The following RFX4 variants were observed in gnomAD, a reference collection of about 807,000 sequenced individuals.
RFX4 encodes the protein transcription factor RFX4.
Under a neutral mutation model 95.0 loss-of-function variants are expected in RFX4, and 10 were observed. The ratio of observed to expected loss-of-function variants is 0.11; its 90% CI spans 0.06 to 0.18. The LOEUF (loss-of-function observed/expected upper bound fraction) is 0.18, where lower values mean the gene tolerates loss of function less well. Ranked by LOEUF, RFX4 falls within the 10% of genes least tolerant of loss-of-function variation. RFX4 has a pLI of 1.00. For synonymous variants in RFX4, 321 were observed against 340.7 expected (o/e 0.94, Z 0.64); for missense variants, 640 against 922.0 (o/e 0.69, Z 3.96).
At chr12:106,663,826 A>C (rs1167105132) in intron 4 of RFX4, among the ~76,000 whole-genome samples, 1 of 150,182 alleles carries the variant, frequency 6.7e-6, no homozygotes, top group East Asian at 2.0e-4. Flanking sequence ...TGTTGATATG[A>C]TCATATAATT....
intron 13 of RFX4, 44 bp from the exon 14 acceptor site, chr12:106,732,086 G>A (rs778477732): frequency 3.7e-6 from 6 of 1,604,416 alleles, no homozygotes; most frequent in Non-Finnish European, 5.1e-6. Context: ...GGGCATACAC[G>A]AGACAGCACG....
At chr12:106,688,995 T>C (rs916460711) in intron 6 of RFX4, among the ~76,000 whole-genome samples, 2 of 152,118 alleles carry the variant, frequency 1.3e-5, no homozygotes, top group African/African-American at 4.8e-5. Flanking sequence ...TTTGTTTTCC[T>C]AGAGCTCACA....
At chr12:106,617,301 T>C (rs1052019086) in intron 2 of RFX4, among the ~76,000 whole-genome samples, 3 of 152,218 alleles carry the variant, frequency 2.0e-5, no homozygotes, top group African/African-American at 7.2e-5. Flanking sequence ...TTTAATTTGC[T>C]GTCTTTTTCT....
At chr12:106,715,329 G>C in intron 10 of RFX4, 71 bp from the exon 11 acceptor site, 1 of 1,534,012 alleles carries the variant, frequency 6.5e-7, no homozygotes, top group Non-Finnish European at 8.8e-7. Flanking sequence ...CATTAACAAG[G>C]CATAAAAGGA....
Position 106,682,010 on chromosome 12 carries a change from T to C in RFX4, c.333T>C (p.Phe111=). 2 of 1,614,180 alleles carry C rather than the reference T, an allele frequency of 1.2e-6. No homozygotes were observed. Among genetic ancestry groups the C allele is most frequent in the Non-Finnish European group, 1.7e-6 (2 of 1,180,030 alleles). The change falls in exon 5 of 18, where the codon TTT becomes TTC. Residue 111 remains phenylalanine, a synonymous_variant. Coordinates refer to ENST00000392842, the MANE Select transcript of RFX4 (RefSeq NM_213594.3). ...ACTTACAGATCATAAGGCAGCAGTT[T>C]CCTCAGTTAACCACCAGAAGACTCG... ...ASFGKIIRQQ[F]PQLTTRRLGT...
intron 1 of RFX4, among the ~76,000 whole-genome samples, chr12:106,594,936 G>A (rs2039597464): frequency 6.6e-6 from 1 of 152,190 alleles, no homozygotes; most frequent in African/African-American, 2.4e-5. Flanking sequence ...AGGCAAGGAA[G>A]AGACCCCATC....
intron 4 of RFX4, among the ~76,000 whole-genome samples, chr12:106,656,580 C>T (rs1284646939): frequency 6.6e-6 from 1 of 152,144 alleles, no homozygotes; most frequent in Non-Finnish European, 1.5e-5. Context: ...GCTCTTCATC[C>T]TCTTCACCAC....
intron 7 of RFX4, among the ~76,000 whole-genome samples, chr12:106,691,078 C>T (rs1385368003): frequency 6.6e-6 from 1 of 152,220 alleles, no homozygotes; most frequent in Non-Finnish European, 1.5e-5. Flanking sequence ...GGTCCAGAAA[C>T]ATTGAGGGGC....
At chr12:106,596,175 T>C in intron 1 of RFX4, among the ~76,000 whole-genome samples, 1 of 152,160 alleles carries the variant, frequency 6.6e-6, no homozygotes, top group East Asian at 1.9e-4. Context: ...CCAGGTGTTG[T>C]GGGAGGCACC....
chr12:106,761,511 TTAA>T lies in RFX4; in HGVS notation c.*55_*57del, dbSNP rs943499335. 7.6e-5 allele frequency: 96 copies of T among 1,269,742 alleles called. No individual in the cohort carries two copies. The highest frequency in any genetic ancestry group is 1.5e-4 in the East Asian group (5 of 32,840). 78.7% of individuals were successfully genotyped at this position (1,269,742 alleles called of 1,614,324 possible). A position where few individuals can be genotyped will look rare whatever the true frequency, so the allele number is the denominator to read the frequency against. Reference sequence around the variant, plus strand: ...CCATATTTAATATTAATAATAATAATTAATAATAATAATAAACCCAACACCCAT... The same window carrying T: ...CCATATTTAATATTAATAATAATAATTAATAATAATAAACCCAACACCCAT... On this transcript the variant is annotated 3_prime_UTR_variant, in exon 18 of 18. Transcript: ENST00000392842.
intron 2 of RFX4, among the ~76,000 whole-genome samples, chr12:106,618,658 G>A (rs753293731): frequency 1.3e-5 from 2 of 151,516 alleles, no homozygotes; most frequent in Non-Finnish European, 2.9e-5. Flanking sequence ...ATTTAGTTTA[G>A]TAAAGTTTTT....
chr12:106,719,919 C>T lies in RFX4; in HGVS notation c.1139-41C>T, dbSNP rs780275411. 4.1e-6 allele frequency: 6 copies of T among 1,475,214 alleles called. No homozygotes were observed. The South Asian group carries it at 6.8e-5, about 17-fold the overall frequency. The allele number at this position is 1,475,214 out of a possible 1,614,324, so 91.4% of individuals were successfully genotyped here. A position where few individuals can be genotyped will look rare whatever the true frequency, so the allele number is the denominator to read the frequency against. ...TTTAAGACGTAGCTCTTGTTAAATA[C>T]AACTGCAGTGATGCGTGTGGGGTTC... On this transcript the variant is annotated intron_variant, in intron 11 of 17. Coordinates refer to ENST00000392842, the MANE Select transcript of RFX4 (RefSeq NM_213594.3).
chr12:106,746,605 C>T (rs1482468685), intron 15 of RFX4, among the ~76,000 whole-genome samples: 2 of 152,006 alleles, frequency 1.3e-5, no homozygotes, highest in Non-Finnish European at 2.9e-5. Flanking sequence ...ATCCCCCAGT[C>T]TTTAGCACTT....
At chr12:106,630,800 TAG>T in intron 2 of RFX4, among the ~76,000 whole-genome samples, 1 of 152,240 alleles carries the variant, frequency 6.6e-6, no homozygotes, top group Non-Finnish European at 1.5e-5. Flanking sequence ...TATTCTGGAA[TAG>T]ATTCCCAAAT....
intron 4 of RFX4, among the ~76,000 whole-genome samples, chr12:106,662,956 T>C (rs2041104446): frequency 6.6e-6 from 1 of 152,166 alleles, no homozygotes; most frequent in Non-Finnish European, 1.5e-5. Flanking sequence ...CTGTCTTGAT[T>C]ACAGTAGCTT....
At chr12:106,738,960 CT>C (rs1253489244) in intron 15 of RFX4, among the ~76,000 whole-genome samples, 3 of 152,008 alleles carry the variant, frequency 2.0e-5, no homozygotes, top group Admixed American at 2.0e-4. Flanking sequence ...TGCCATGTTT[CT>C]TTTTTTAAAA....
rs1169927530 is a variant in RFX4 at position 106,627,804 on chromosome 12, T to C, written c.131-11528T>C. Among the ~76,000 whole-genome samples the C allele has an allele frequency of 5.3e-5, 8 of 152,188 alleles. No individual in the cohort carries two copies. The East Asian group carries it at 1.5e-3, about 29-fold the overall frequency. ...GAAGACTATGGTGAGATGGAATGTC[T>C]CCAGGAGAAGAAGGAAGTTCAGGGT... On this transcript the variant is annotated intron_variant, in intron 2 of 17. Transcript: ENST00000392842.
chr12:106,676,753 TGAG>T (rs996528116), intron 4 of RFX4, among the ~76,000 whole-genome samples: 5 of 152,084 alleles, frequency 3.3e-5, no homozygotes, highest in Admixed American at 1.3e-4. Context: ...AGGGTCAATG[TGAG>T]GAGAATAGAA....
intron 2 of RFX4, among the ~76,000 whole-genome samples, chr12:106,611,274 T>G (rs1246881144): frequency 6.6e-6 from 1 of 152,254 alleles, no homozygotes; most frequent in Non-Finnish European, 1.5e-5. Flanking sequence ...CTTTTCACTC[T>G]GTTGATTGTG....
Sources: allele counts gnomAD v4.1 joint callset (sites outside exome capture counted in the v4.1 genomes callset), GRCh38; gene constraint gnomAD v4.1.1; transcripts MANE v1.5; gene names NCBI Gene and HGNC (gene_info 2026-07-23, HGNC 2026-07-21).